The following PAN3 variants were observed in gnomAD, a reference collection of about 807,000 sequenced individuals.
The protein encoded by PAN3 is PAN2-PAN3 deadenylation complex subunit PAN3.
PAN3 carries 19 observed loss-of-function variants against 96.2 expected under a neutral mutation model. The observed-to-expected ratio is 0.20, with a 90% CI of 0.14 to 0.29. PAN3 has a LOEUF of 0.29. Ranked by LOEUF, PAN3 falls within the 10% of genes least tolerant of loss-of-function variation. The probability of loss-of-function intolerance (pLI) is 1.00; values close to 1 mark genes in which losing one functional copy is unlikely to be tolerated. For missense variants in PAN3, 882 were observed against 1,108.1 expected, an observed-to-expected ratio of 0.80 and a Z score of 2.90; for synonymous variants, 433 against 406.6, an observed-to-expected ratio of 1.06 and a Z score of -0.78.
chr13:28,247,501 T>G (rs915755812), intron 6 of PAN3, among the ~76,000 whole-genome samples: 1 of 152,190 alleles, frequency 6.6e-6, no homozygotes, highest in Admixed American at 6.5e-5. Context: ...ACGCAAAATA[T>G]CTTTGCCCAG....
chr13:28,189,374 G>C lies in PAN3; in HGVS notation c.691-7811G>C, dbSNP rs147408476. On this transcript the variant is annotated intron_variant, in intron 4 of 18. Transcript: ENST00000380958. The stretch of plus-strand genomic sequence containing the variant: ...CTACTCAAAATACAAAAATTAGCCA[G>C]ATGTGGTGGTGGGTGCCTGTAATCC... 5.1e-4 allele frequency among the ~76,000 whole-genome samples: 77 copies of C among 152,254 alleles called. No homozygotes were observed. The East Asian group carries it at 0.014, about 28-fold the overall frequency.
rs756770640 is a variant in PAN3, at chr13:28,280,419, T to C, written c.2197T>C (p.Leu733=). ...CTCTTTTATCTTGGGTAGGTATTTG[T>C]TGACTGACCAAAACAGGATGCGAAG... ...SDLKNLILYL[L]TDQNRMRSVN... is the part of the protein sequence containing the mutation. The change falls in exon 16 of 19, where the codon TTG becomes CTG. Residue 733 remains leucine, a synonymous_variant. Coordinates refer to ENST00000380958, the MANE Select transcript of PAN3 (RefSeq NM_175854.8). 13 of 1,606,524 alleles carry C rather than the reference T, an allele frequency of 8.1e-6. 1 individual carries two copies. The Admixed American group carries it at 1.5e-4, about 19-fold the overall frequency.
intron 7 of PAN3, among the ~76,000 whole-genome samples, chr13:28,259,791 A>G (rs1374573648): frequency 6.6e-6 from 1 of 151,876 alleles, no homozygotes; most frequent in Non-Finnish European, 1.5e-5. Flanking sequence ...GGCTTGCGCC[A>G]CCATGCCCCA....
intron 16 of PAN3, 43 bp from the exon 17 acceptor site, chr13:28,281,272 A>T (rs1423609972): frequency 1.6e-5 from 24 of 1,533,198 alleles, no homozygotes; most frequent in Non-Finnish European, 2.1e-5. Flanking sequence ...ATGTTCAGTT[A>T]TCTGGAACAT....
In PAN3 at chr13:28,277,331, A is replaced by T; in HGVS notation, c.2144A>T (p.Glu715Val). Residue 715 changes from glutamate (E) to valine (V), a missense_variant, in exon 15 of 19, where the codon GAA (glutamate) becomes GTA (valine). Coordinates refer to ENST00000380958, the MANE Select transcript of PAN3 (RefSeq NM_175854.8). ...IQRENLQKAM[E>V]LVTINYSSDL... Reference sequence around the variant, plus strand: ...CGAGAGAATTTACAGAAAGCCATGGAACTGGTGACAATCAACTATTCCTCT... The same window carrying T: ...CGAGAGAATTTACAGAAAGCCATGGTACTGGTGACAATCAACTATTCCTCT... 2 of 1,613,454 alleles carry T rather than the reference A, an allele frequency of 1.2e-6. No individual in the cohort carries two copies. The highest frequency in any genetic ancestry group is 1.7e-6 in the Non-Finnish European group (2 of 1,179,692).
chr13:28,167,511 A>G (rs188291785), intron 1 of PAN3, among the ~76,000 whole-genome samples: 1 of 151,892 alleles, frequency 6.6e-6, no homozygotes, highest in East Asian at 1.9e-4. Context: ...AATTTCCCAA[A>G]TTTTTAAGTC....
chr13:28,251,105 T>C (rs546925643), intron 6 of PAN3, among the ~76,000 whole-genome samples: 94 of 152,198 alleles, frequency 6.2e-4, no homozygotes, highest in Non-Finnish European at 9.6e-4. Context: ...TTTTGATGTT[T>C]TTTCCCTTTA....
intron 1 of PAN3, among the ~76,000 whole-genome samples, chr13:28,148,181 C>A (rs1257094388): frequency 6.6e-6 from 1 of 151,978 alleles, no homozygotes; most frequent in African/African-American, 2.4e-5. Context: ...TTCTCTAACT[C>A]CTGGGCTCAA....
chr13:28,165,908 C>G (rs1873480750), intron 1 of PAN3, among the ~76,000 whole-genome samples: 1 of 152,060 alleles, frequency 6.6e-6, no homozygotes, highest in Non-Finnish European at 1.5e-5. Context: ...CATGGTCCAC[C>G]CTCATGACTT....
intron 5 of PAN3, among the ~76,000 whole-genome samples, chr13:28,198,094 G>A (rs764039964): frequency 1.6e-4 from 25 of 151,952 alleles, no homozygotes; most frequent in Admixed American, 5.2e-4. Flanking sequence ...CCAACATGGT[G>A]AAACCCCGTC....
intron 6 of PAN3, 152 bp from the exon 7 acceptor site, chr13:28,256,140 A>G: frequency 1.1e-6 from 1 of 883,634 alleles, no homozygotes. Flanking sequence ...CTTTTTCTAC[A>G]ACAAAACAAG....
intron 1 of PAN3, among the ~76,000 whole-genome samples, chr13:28,165,570 A>G (rs1873434907): frequency 6.6e-6 from 1 of 152,172 alleles, no homozygotes; most frequent in Non-Finnish European, 1.5e-5. Context: ...AAGAATATCA[A>G]CCTTGCCACA....
chr13:28,262,049 ATTT>A (rs1226802427), intron 9 of PAN3, among the ~76,000 whole-genome samples: 1 of 152,186 alleles, frequency 6.6e-6, no homozygotes, highest in Non-Finnish European at 1.5e-5. Flanking sequence ...TATTAGGCCT[ATTT>A]GTGAGACTAC....
intron 6 of PAN3, among the ~76,000 whole-genome samples, chr13:28,253,396 G>A (rs1165198332): frequency 6.6e-6 from 1 of 152,118 alleles, no homozygotes; most frequent in Non-Finnish European, 1.5e-5. Context: ...AAGTGGATGT[G>A]TAGATATTTT....
intron 5 of PAN3, among the ~76,000 whole-genome samples, chr13:28,202,867 A>G (rs1229312442): frequency 6.6e-6 from 1 of 152,190 alleles, no homozygotes; most frequent in Non-Finnish European, 1.5e-5. Context: ...CGGTTTTGCC[A>G]TTACTTTTAA....
chr13:28,139,828 A>G (rs373372921), intron 1 of PAN3, among the ~76,000 whole-genome samples: 4 of 152,150 alleles, frequency 2.6e-5, no homozygotes, highest in Non-Finnish European at 4.4e-5. Flanking sequence ...CTTTGTATCA[A>G]GCAAACTCAG....
At chr13:28,185,868 T>A (rs192898267) in intron 4 of PAN3, among the ~76,000 whole-genome samples, 4 of 152,302 alleles carry the variant, frequency 2.6e-5, no homozygotes, top group African/African-American at 4.8e-5. Flanking sequence ...TACACTCTGG[T>A]CATTCTATTT....
chr13:28,248,863 T>A (rs1884454116), intron 6 of PAN3, among the ~76,000 whole-genome samples: 1 of 152,222 alleles, frequency 6.6e-6, no homozygotes, highest in Non-Finnish European at 1.5e-5. Flanking sequence ...ATATAGCTTT[T>A]ATTGTTTTGG....
At chr13:28,191,388 A>G (rs1047939071) in intron 4 of PAN3, among the ~76,000 whole-genome samples, 1 of 152,160 alleles carries the variant, frequency 6.6e-6, no homozygotes, top group Non-Finnish European at 1.5e-5. Context: ...ATTCGTAGCC[A>G]GGGCAGTTGT....
Sources: allele counts gnomAD v4.1 joint callset (sites outside exome capture counted in the v4.1 genomes callset), GRCh38; gene constraint gnomAD v4.1.1; transcripts MANE v1.5; gene names NCBI Gene and HGNC (gene_info 2026-07-23, HGNC 2026-07-21).